The following DPP6 variants were observed in gnomAD, a reference collection of about 807,000 sequenced individuals.
DPP6 encodes the protein A-type potassium channel modulatory protein DPP6.
Under a neutral mutation model 122.6 loss-of-function variants are expected in DPP6, and 69 were observed. The observed-to-expected ratio is 0.56, with a 90% confidence interval of 0.46 to 0.69. The LOEUF (loss-of-function observed/expected upper bound fraction) is 0.69, where lower values mean the gene tolerates loss of function less well. Ranked by LOEUF, DPP6 falls within the 30% of genes least tolerant of loss-of-function variation. The pLI, the probability that DPP6 is intolerant of heterozygous loss-of-function variation, is 0.00. For missense variants in DPP6, 928 were observed against 1,116.9 expected (o/e 0.83, Z 2.41); for synonymous variants, 418 against 433.1 (o/e 0.97, Z 0.43).
At chr7:154,754,115 A>G (rs985444154) in intron 8 of DPP6, among the ~76,000 whole-genome samples, 4 of 152,068 alleles carry the variant, frequency 2.6e-5, no homozygotes, top group Non-Finnish European at 4.4e-5. Context: ...GTTTTTGTTG[A>G]GATTAGGAAA....
chr7:154,686,224 A>G (rs1422598157), intron 7 of DPP6, among the ~76,000 whole-genome samples: 1 of 152,182 alleles, frequency 6.6e-6, no homozygotes, highest in Non-Finnish European at 1.5e-5. Context: ...CTGAAACTGA[A>G]GAAGTCGTGT....
chr7:154,387,396 G>T (rs1814212862), intron 1 of DPP6, among the ~76,000 whole-genome samples: 1 of 152,174 alleles, frequency 6.6e-6, no homozygotes, highest in Admixed American at 6.5e-5. Context: ...GAGATGCTAG[G>T]AGACTATAGG....
At chr7:154,510,694 C>CAAAAA (rs67365097) in intron 3 of DPP6, among the ~76,000 whole-genome samples, 1,714 of 134,080 alleles carry the variant, frequency 0.013, 17 homozygotes, top group South Asian at 0.025. Flanking sequence ...CCAGGTGTCT[C>CAAAAA]AAAAAAAAAA....
intron 3 of DPP6, among the ~76,000 whole-genome samples, chr7:154,487,461 G>T (rs1823895950): frequency 6.6e-6 from 1 of 152,152 alleles, no homozygotes; most frequent in South Asian, 2.1e-4. Flanking sequence ...CAAAATCAAA[G>T]CCTGGGGCAG....
chr7:153,918,458 A>ACTCT (rs777052590), intron 1 of DPP6, among the ~76,000 whole-genome samples: 1 of 95,200 alleles, frequency 1.1e-5, no homozygotes, highest in Non-Finnish European at 2.3e-5. Context: ...ACACACACAC[A>ACTCT]CACACACACT....
At position 154,875,819 on chromosome 7, in the gene DPP6, T is replaced by C. The variant is rs911578044; in HGVS notation, c.1884-87T>C. ...GCAGCCGGGTCACGGGTAAAATCCC[T>C]TACGGGGGTCATCTGACGTGGCAGC... On this transcript the variant is annotated intron_variant, in intron 19 of 25. Transcript: ENST00000377770. The surrounding 1 kb of genome is among the most constrained non-coding windows in gnomAD (Gnocchi z 4.5). 17 of 1,517,522 alleles carry C rather than the reference T, an allele frequency of 1.1e-5. No individual in the cohort carries two copies. The African/African-American group carries it at 2.1e-4, about 18-fold the overall frequency. 94.0% of individuals were successfully genotyped at this position (1,517,522 alleles called of 1,614,324 possible). A position where few individuals can be genotyped will look rare whatever the true frequency, so the allele number is the denominator to read the frequency against.
chr7:153,800,762 C>A, the DPP6 span, among the ~76,000 whole-genome samples: 2 of 151,860 alleles, frequency 1.3e-5, no homozygotes, highest in Admixed American at 6.6e-5. Context: ...AGTGATCTAC[C>A]CTCCTTGGCC....
intron 1 of DPP6, among the ~76,000 whole-genome samples, chr7:154,250,599 A>T (rs1802292487): frequency 6.6e-6 from 1 of 152,320 alleles, no homozygotes; most frequent in African/African-American, 2.4e-5. Context: ...GTTAGAAAGA[A>T]ATGCTTTTCC....
chr7:154,431,679 T>C (rs965247096), intron 1 of DPP6, among the ~76,000 whole-genome samples: 3 of 151,496 alleles, frequency 2.0e-5, no homozygotes, highest in African/African-American at 7.3e-5. Context: ...GGATGACAGG[T>C]GCATGCCACC....
intron 21 of DPP6, 161 bp downstream of exon 21, chr7:154,881,103 G>T: frequency 8.3e-7 from 1 of 1,208,996 alleles, no homozygotes; most frequent in Non-Finnish European, 1.1e-6. Context: ...CCAGCCGTGG[G>T]AGGTTTCATT....
At chr7:153,885,899 T>TTA (rs1373000246), upstream of DPP6, among the ~76,000 whole-genome samples, 9 of 152,228 alleles carry the variant, frequency 5.9e-5, no homozygotes, top group East Asian at 1.7e-3. Context: ...AATGTATCAT[T>TTA]CGTGTTTGCA....
At chr7:154,405,213 C>T (rs1321979660) in intron 1 of DPP6, among the ~76,000 whole-genome samples, 2 of 152,110 alleles carry the variant, frequency 1.3e-5, no homozygotes, top group Non-Finnish European at 2.9e-5. Flanking sequence ...AACAATCATA[C>T]ACCCATTAAA....
At chr7:154,741,225 G>A (rs1233969599) in intron 8 of DPP6, among the ~76,000 whole-genome samples, 2 of 152,190 alleles carry the variant, frequency 1.3e-5, no homozygotes, top group African/African-American at 2.4e-5. Context: ...TCATTGCACC[G>A]AGTGGGAGAC....
intron 6 of DPP6, among the ~76,000 whole-genome samples, chr7:154,649,113 G>A (rs1836703056): frequency 6.6e-6 from 1 of 152,080 alleles, no homozygotes; most frequent in Non-Finnish European, 1.5e-5. Flanking sequence ...GCCTTTTCTG[G>A]AATGTCATGT....
intron 4 of DPP6, among the ~76,000 whole-genome samples, chr7:154,544,759 A>C (rs1829026754): frequency 6.6e-6 from 1 of 152,214 alleles, no homozygotes; most frequent in Non-Finnish European, 1.5e-5. Context: ...TAACAGCTGG[A>C]ATGTGGGTAT....
At chr7:154,347,121 C>A (rs905019847) in intron 1 of DPP6, among the ~76,000 whole-genome samples, 3 of 152,154 alleles carry the variant, frequency 2.0e-5, no homozygotes, top group African/African-American at 7.2e-5. Flanking sequence ...CCAAACTCAG[C>A]GATTGTGAAT....
At chr7:153,896,096 A>G (rs1799402689) in intron 1 of DPP6, among the ~76,000 whole-genome samples, 1 of 152,238 alleles carries the variant, frequency 6.6e-6, no homozygotes, top group South Asian at 2.1e-4. Context: ...TGATATTGGT[A>G]TTTGAAAAGT....
chr7:154,418,173 G>A (rs553485134), intron 1 of DPP6, among the ~76,000 whole-genome samples: 1 of 152,158 alleles, frequency 6.6e-6, no homozygotes. Context: ...CTAAACTTCT[G>A]TGTCAATTTC....
At chr7:154,611,276 G>A (rs1484698565) in intron 5 of DPP6, among the ~76,000 whole-genome samples, 1 of 152,176 alleles carries the variant, frequency 6.6e-6, no homozygotes, top group South Asian at 2.1e-4. Flanking sequence ...GATGTTGCTT[G>A]TTACGTACGA....
Sources: gnomAD v4.1 joint callset for allele counts (sites outside exome capture counted in the v4.1 genomes callset) on GRCh38, gnomAD v4.1.1 for gene constraint, Gnocchi (gnomAD v3.1) non-coding constraint, MANE v1.5 for transcripts, NCBI Gene and HGNC (gene_info 2026-07-23, HGNC 2026-07-21) for gene names.